The following CGN variants were observed in gnomAD, a reference collection of about 807,000 sequenced individuals.
CGN encodes the protein cingulin.
In CGN, 121 loss-of-function variants were observed where a neutral mutation model predicts 157.1. The observed-to-expected ratio is 0.77, with a 90% CI of 0.66 to 0.90. The LOEUF (loss-of-function observed/expected upper bound fraction) is 0.90, where lower values mean the gene tolerates loss of function less well. Among genes scored for constraint, CGN ranks in the 40% least tolerant of loss-of-function variants. The pLI is 0.00. For synonymous variants in CGN, 535 were observed against 607.5 expected (o/e 0.88, Z 1.76); for missense variants, 1,424 against 1,520.9 (o/e 0.94, Z 1.06).
Position 151,511,851 on chromosome 1 carries a change from C to T in CGN, c.-15+336C>T. ...GAATTTCTCTTGGAGACAGCGGTGG[C>T]GCGGGGAAGGAGTTAGTTCCAGCTG... On this transcript the variant is annotated intron_variant, in intron 1 of 20. Coordinates refer to ENST00000271636, the MANE Select transcript of CGN (RefSeq NM_020770.3). This position sits in a 1 kb window ranked among gnomAD's most constrained non-coding sequence, Gnocchi z 4.8. Among the ~76,000 whole-genome samples, 1 of 152,118 alleles carries T rather than the reference C, an allele frequency of 6.6e-6. No homozygotes were observed. Among genetic ancestry groups the T allele is most frequent in the East Asian group, 1.9e-4 (1 of 5,188 alleles).
intron 8 of CGN, 43 bp from the exon 9 acceptor site, chr1:151,525,599 C>T (rs752891384): frequency 3.3e-6 from 5 of 1,493,356 alleles, no homozygotes; most frequent in East Asian, 5.1e-5. Flanking sequence ...GAAGTGACCT[C>T]TTCCCTCTGA....
Position 151,535,866 on chromosome 1 carries a change from G to T in CGN, c.3165G>T (p.Gln1055His). 1 of 1,614,008 alleles carries T rather than the reference G, an allele frequency of 6.2e-7. No individual in the cohort carries two copies. Among genetic ancestry groups the T allele is most frequent in the Non-Finnish European group, 8.5e-7 (1 of 1,180,022 alleles). The change falls in exon 18 of 21, where the codon CAG becomes CAT. Residue 1055 changes from glutamine to histidine, a missense_variant. Physicochemically the swap from Gln to His is conservative, Grantham distance 24. Coordinates refer to ENST00000271636, the MANE Select transcript of CGN (RefSeq NM_020770.3). ...ASLSQLESQN[Q>H]LLQERLQAEE... Reference sequence around the variant, plus strand: ...TCTCTCAGCTTGAGTCCCAGAATCAGTTGTTGCAGGAGCGGCTACAGGCTG... The same window carrying T: ...TCTCTCAGCTTGAGTCCCAGAATCATTTGTTGCAGGAGCGGCTACAGGCTG...
intron 9 of CGN, 85 bp downstream of exon 9, chr1:151,525,875 T>C: frequency 1.0e-6 from 1 of 984,500 alleles, no homozygotes; most frequent in Non-Finnish European, 1.3e-6. Flanking sequence ...TAATTTTAAT[T>C]TTAATTTATT....
intron 10 of CGN, among the ~76,000 whole-genome samples, 178 bp downstream of exon 10, chr1:151,527,285 T>C (rs1445092773): frequency 1.3e-5 from 2 of 152,216 alleles, no homozygotes; most frequent in East Asian, 3.8e-4. Context: ...TCATTGAGCA[T>C]AGAGGTTTCT....
At chr1:151,512,556 C>G (rs1664325092) in intron 1 of CGN, among the ~76,000 whole-genome samples, 1 of 152,170 alleles carries the variant, frequency 6.6e-6, no homozygotes, top group Non-Finnish European at 1.5e-5. Flanking sequence ...AATTACAACT[C>G]CAAATCCCCA....
intron 9 of CGN, among the ~76,000 whole-genome samples, chr1:151,526,303 C>T (rs891478522): frequency 1.3e-5 from 2 of 151,712 alleles, no homozygotes; most frequent in Admixed American, 6.6e-5. Flanking sequence ...CTCAGCCTCC[C>T]GAGTAGCTGG....
intron 11 of CGN, 111 bp from the exon 12 acceptor site, chr1:151,529,798 T>TAA: frequency 9.6e-7 from 1 of 1,044,268 alleles, no homozygotes; most frequent in East Asian, 2.6e-5. Flanking sequence ...GCCTCATTCT[T>TAA]ATGGGCTGTC....
rs1284505760 is a variant in CGN, at chr1:151,525,622, C to T, written c.1615-20C>T. On this transcript the variant is annotated intron_variant, in intron 8 of 20. Coordinates refer to ENST00000271636, the MANE Select transcript of CGN (RefSeq NM_020770.3). ...CTCTTCCCTCTGAGCCTTCTGGTGT[C>T]CAACTCTCCCCTTCTCTAGGACCAT... 1 of 1,546,074 alleles carries T rather than the reference C, an allele frequency of 6.5e-7. No homozygotes were observed. Among genetic ancestry groups the T allele is most frequent in the Non-Finnish European group, 8.7e-7 (1 of 1,149,780 alleles).
chr1:151,536,596 T>G, intron 19 of CGN, 134 bp from the exon 20 acceptor site: 2 of 770,198 alleles, frequency 2.6e-6, no homozygotes, highest in Non-Finnish European at 4.3e-6. Flanking sequence ...AAGACAACCA[T>G]GTGAGGTTAA....
In CGN at chr1:151,524,144, AT is replaced by A; in HGVS notation, c.1269-80del. 1 of 1,299,578 alleles carries A rather than the reference AT, an allele frequency of 7.7e-7. No individual in the cohort carries two copies. Among genetic ancestry groups the A allele is most frequent in the Non-Finnish European group, 1.1e-6 (1 of 942,480 alleles). 80.5% of individuals were successfully genotyped at this position (1,299,578 alleles called of 1,614,324 possible). On this transcript the variant is annotated intron_variant, in intron 6 of 20. Coordinates refer to ENST00000271636, the MANE Select transcript of CGN (RefSeq NM_020770.3). The surrounding 1 kb of genome is among the most constrained non-coding windows in gnomAD (Gnocchi z 4.4). ...ATTTGAAGGAAGGAAGTTTAAATGC[AT>A]TAATAAATATGAATTAAAATATATG...
At chr1:151,532,612 C>CTTTTTT (rs34388063) in intron 14 of CGN, 40 bp downstream of exon 14, 12 of 537,286 alleles carry the variant, frequency 2.2e-5, no homozygotes, top group South Asian at 4.3e-5. Flanking sequence ...GTCCTTGCCT[C>CTTTTTT]TTTTTTTTTT....
intron 8 of CGN, 77 bp from the exon 9 acceptor site, chr1:151,525,565 T>A: frequency 7.7e-7 from 1 of 1,301,956 alleles, no homozygotes; most frequent in Non-Finnish European, 1.0e-6. Flanking sequence ...AAGCCTTTCC[T>A]TGTACACACT....
chr1:151,532,461 G>A lies in CGN; in HGVS notation c.2631G>A (p.Glu877=), dbSNP rs1557992898. 1 of 1,607,248 alleles carries A rather than the reference G, an allele frequency of 6.2e-7. No individual in the cohort carries two copies. Among genetic ancestry groups the A allele is most frequent in the Non-Finnish European group, 8.5e-7 (1 of 1,178,048 alleles). ...TGCAGCAGCTCCAGGCCCAGCTGGAGGATTATAAGGAAAAGGCCCGGCGGG... is the reference window on the plus strand; with the variant it reads ...TGCAGCAGCTCCAGGCCCAGCTGGAAGATTATAAGGAAAAGGCCCGGCGGG... ...QALQQLQAQL[E]DYKEKARREV... Residue 877 remains glutamate, a synonymous_variant, in exon 14 of 21, where the codon GAG becomes GAA. Transcript: ENST00000271636.
intron 1 of CGN, among the ~76,000 whole-genome samples, chr1:151,512,438 C>G (rs1456231168): frequency 6.6e-6 from 1 of 152,174 alleles, no homozygotes; most frequent in Non-Finnish European, 1.5e-5. Context: ...TCCCTGAACG[C>G]CCTCCAGGCA....
At chr1:151,529,870 C>T (rs1664789979) in intron 11 of CGN, 39 bp from the exon 12 acceptor site, 1 of 1,584,912 alleles carries the variant, frequency 6.3e-7, no homozygotes, top group African/African-American at 1.3e-5. Flanking sequence ...AGCTGCCACG[C>T]CCTGGGGTCT....
chr1:151,518,784 G>A lies in CGN; in HGVS notation c.265G>A (p.Gly89Arg), dbSNP rs892920338. ...GVQIKGANDQGASGALSSDLE... is the reference protein window; with the variant it reads ...GVQIKGANDQRASGALSSDLE... ...CCAAATCAAGGGGGCCAATGACCAAGGGGCCTCAGGAGCTCTGAGCTCAGA... is the reference window on the plus strand; with the variant it reads ...CCAAATCAAGGGGGCCAATGACCAAAGGGCCTCAGGAGCTCTGAGCTCAGA... The change falls in exon 2 of 21, where the codon GGG becomes AGG. Residue 89 changes from glycine to arginine, a missense_variant. Around this residue, in one of 3 missense-constraint regions of CGN, gnomAD observed 1,187 missense variants for 1,217.6 expected, o/e 0.97. Transcript: ENST00000271636. 2 of 1,613,984 alleles carry A rather than the reference G, an allele frequency of 1.2e-6. No individual in the cohort carries two copies. Among genetic ancestry groups the A allele is most frequent in the African/African-American group, 2.7e-5 (2 of 74,904 alleles).
In CGN at chr1:151,519,481, A is replaced by G. The variant is rs1244859559; in HGVS notation, c.873+89A>G. 4.1e-6 allele frequency: 5 copies of G among 1,205,428 alleles called. No homozygotes were observed. The East Asian group carries it at 1.3e-4, about 31-fold the overall frequency. The allele number at this position is 1,205,428 out of a possible 1,614,324, so 74.7% of individuals were successfully genotyped here. ...CCCACCAGCCATGAGCCTCCTTGCT[A>G]ATTCAAATAGCCTAGGCAGAAACTC... On this transcript the variant is annotated intron_variant, in intron 2 of 20. Coordinates refer to ENST00000271636, the MANE Select transcript of CGN (RefSeq NM_020770.3).
Position 151,524,143 on chromosome 1 carries a change from C to A in CGN, c.1269-83C>A. 1 of 1,279,282 alleles carries A rather than the reference C, an allele frequency of 7.8e-7. No individual in the cohort carries two copies. The highest frequency in any genetic ancestry group is 1.1e-6 in the Non-Finnish European group (1 of 924,796). The allele number at this position is 1,279,282 out of a possible 1,614,324, so 79.2% of individuals were successfully genotyped here. On this transcript the variant is annotated intron_variant, in intron 6 of 20. Transcript: ENST00000271636. The surrounding 1 kb of genome is among the most constrained non-coding windows in gnomAD (Gnocchi z 4.4). ...GATTTGAAGGAAGGAAGTTTAAATG[C>A]ATTAATAAATATGAATTAAAATATA...
Position 151,519,141 on chromosome 1 carries a change from C to G in CGN, c.622C>G (p.Gln208Glu), listed in dbSNP as rs1327513852. ...CCGAACACGGATGCTACCCCCTGAA[C>G]AGCGCAAACGGAGCAAGAGCCTGGA... The part of the protein sequence containing the change: ...GRRTRMLPPE[Q>E]RKRSKSLDSR... The change falls in exon 2 of 21, where the codon CAG (glutamine) becomes GAG (glutamate). Residue 208 changes from glutamine (Q) to glutamate (E), a missense_variant. Coordinates refer to ENST00000271636, the MANE Select transcript of CGN (RefSeq NM_020770.3). The G allele has an allele frequency of 1.9e-6, 3 of 1,613,960 alleles. No individual in the cohort carries two copies. The highest frequency in any genetic ancestry group is 2.5e-6 in the Non-Finnish European group (3 of 1,180,052).
Sources: gnomAD v4.1 joint callset for allele counts (sites outside exome capture counted in the v4.1 genomes callset) on GRCh38, gnomAD v4.1.1 for gene constraint, gnomAD v4.1.1 regional missense constraint, Gnocchi (gnomAD v3.1) non-coding constraint, MANE v1.5 for transcripts, NCBI Gene and HGNC (gene_info 2026-07-23, HGNC 2026-07-21) for gene names.